LOXHD1: variants seen among roughly 807,000 people sequenced by gnomAD.
The protein encoded by LOXHD1 is lipoxygenase homology PLAT domains 1.
LOXHD1 carries 205 observed loss-of-function variants against 248.2 expected under a neutral mutation model. The observed-to-expected ratio is 0.83, with a 90% CI of 0.74 to 0.93. The LOEUF is 0.93. Ranked by LOEUF, LOXHD1 falls within the 40% of genes least tolerant of loss-of-function variation. The pLI is 0.00. For synonymous variants in LOXHD1, 1,113 were observed against 1,162.8 expected (o/e 0.96, Z 0.87); for missense variants, 2,930 against 2,971.6 (o/e 0.99, Z 0.33).
intron 34 of LOXHD1, among the ~76,000 whole-genome samples, chr18:46,512,318 C>G (rs748253095): frequency 9.2e-5 from 14 of 152,028 alleles, no homozygotes; most frequent in Non-Finnish European, 1.6e-4. Flanking sequence ...TGTGGCCCCA[C>G]CCAGAAACGA....
intron 37 of LOXHD1, among the ~76,000 whole-genome samples, chr18:46,501,172 G>A (rs1386636444): frequency 2.0e-5 from 3 of 152,176 alleles, no homozygotes; most frequent in Middle Eastern, 3.4e-3. Flanking sequence ...TTGGCTATTT[G>A]CTAAAATTTA....
Position 46,593,734 on chromosome 18 carries a change from T to C in LOXHD1, c.1297A>G (p.Thr433Ala). The change falls in exon 10 of 41, where the codon ACA (threonine) becomes GCA (alanine). Residue 433 changes from threonine to alanine, a missense_variant. Thr to Ala is a moderately conservative substitution (Grantham distance 58). Coordinates refer to ENST00000642948, the MANE Select transcript of LOXHD1 (RefSeq NM_001384474.1). ...GTACCAGCTTTCTTTAGGTCGGTTGTCCAGACCCACAGGGACCAAGGGAAT... is the reference window on the plus strand; with the variant it reads ...GTACCAGCTTTCTTTAGGTCGGTTGCCCAGACCCACAGGGACCAAGGGAAT... ...KKFPWSLWVW[T>A]TDLKKAGTNS... The C allele has an allele frequency of 6.4e-7, 1 of 1,552,034 alleles. No individual in the cohort carries two copies. Among genetic ancestry groups the C allele is most frequent in the Non-Finnish European group, 8.7e-7 (1 of 1,147,062 alleles).
intron 6 of LOXHD1, among the ~76,000 whole-genome samples, chr18:46,607,104 G>C (rs1015804384): frequency 1.3e-5 from 2 of 151,742 alleles, no homozygotes; most frequent in African/African-American, 4.8e-5. Context: ...GGGAGGCAGA[G>C]ATTGCAGTGA....
chr18:46,636,675 T>G (rs771785953), intron 4 of LOXHD1, among the ~76,000 whole-genome samples: 1 of 152,200 alleles, frequency 6.6e-6, no homozygotes, highest in Non-Finnish European at 1.5e-5. Flanking sequence ...CATGCCCCCC[T>G]TTACTCTCTC....
At chr18:46,492,364 C>G (rs527385157) in intron 37 of LOXHD1, among the ~76,000 whole-genome samples, 2 of 152,308 alleles carry the variant, frequency 1.3e-5, no homozygotes, top group South Asian at 4.1e-4. Flanking sequence ...TTCTGCATGG[C>G]TAGGGAGGCC....
intron 37 of LOXHD1, 150 bp downstream of exon 37, chr18:46,505,688 T>C: frequency 1.3e-6 from 1 of 768,626 alleles, no homozygotes; most frequent in Non-Finnish European, 2.1e-6. Flanking sequence ...TTCATACTGA[T>C]GGAAGCATCA....
intron 34 of LOXHD1, among the ~76,000 whole-genome samples, chr18:46,510,308 A>G (rs1485225058): frequency 6.6e-6 from 1 of 152,248 alleles, no homozygotes; most frequent in Non-Finnish European, 1.5e-5. Flanking sequence ...TCTAGATGGC[A>G]TCGTTCACAT....
At chr18:46,484,986 C>T (rs1371277132) in intron 39 of LOXHD1, 33 bp downstream of exon 39, 1 of 1,545,700 alleles carries the variant, frequency 6.5e-7, no homozygotes, top group East Asian at 2.5e-5. Flanking sequence ...CCTACCCACC[C>T]CCCACCACTT....
Position 46,541,936 on chromosome 18 carries a change from C to A in LOXHD1, c.3753G>T (p.Lys1251Asn). Residue 1251 changes from lysine (K) to asparagine (N), a missense_variant, in exon 25 of 41, where the codon AAG (lysine) becomes AAT (asparagine). Coordinates refer to ENST00000642948, the MANE Select transcript of LOXHD1 (RefSeq NM_001384474.1). The part of the protein sequence containing the change: ...KVRLGHDNTG[K>N]APGWFVDWVE... ...CCCAGTCTACAAACCAGCCTGGGGC[C>A]TTGCCTAGAGAGAGAGGAGACACAA... The A allele has an allele frequency of 7.1e-6, 11 of 1,550,886 alleles. No individual in the cohort carries two copies. Among genetic ancestry groups the A allele is most frequent in the Non-Finnish European group, 9.6e-6 (11 of 1,146,524 alleles).
chr18:46,513,866 G>A (rs1023904423), intron 34 of LOXHD1, among the ~76,000 whole-genome samples: 1 of 152,246 alleles, frequency 6.6e-6, no homozygotes, highest in African/African-American at 2.4e-5. Context: ...TAGACAAGGG[G>A]AGGCTGCCTT....
intron 16 of LOXHD1, among the ~76,000 whole-genome samples, chr18:46,569,191 C>T (rs966526055): frequency 6.6e-6 from 1 of 152,282 alleles, no homozygotes; most frequent in African/African-American, 2.4e-5. Context: ...ATACACATTC[C>T]AGCCCCAAAG....
intron 33 of LOXHD1, among the ~76,000 whole-genome samples, chr18:46,519,621 C>T (rs1432979247): frequency 1.3e-5 from 2 of 152,112 alleles, no homozygotes; most frequent in African/African-American, 4.8e-5. Flanking sequence ...AAAGTGCGAG[C>T]CTGACACTTT....
At chr18:46,557,650 G>T (rs2037397958) in intron 20 of LOXHD1, among the ~76,000 whole-genome samples, 161 bp from the exon 21 acceptor site, 1 of 152,202 alleles carries the variant, frequency 6.6e-6, no homozygotes, top group African/African-American at 2.4e-5. Flanking sequence ...TAGTAGTCTG[G>T]TGTTTGGTCT....
In LOXHD1 at chr18:46,545,308, C is replaced by T. The variant is rs576031049; in HGVS notation, c.3619+9G>A. 3.6e-4 allele frequency: 560 copies of T among 1,546,002 alleles called. 7 individuals are homozygous for T. In the South Asian group the frequency reaches 6.2e-3, roughly 17 times the overall value. ...GTGGGTGAATCTTGGCCCTGCACTG[C>T]TTTCTTACCAGTGTCATCCTGTGTG... On this transcript the variant is annotated intron_variant, in intron 23 of 40. Coordinates refer to ENST00000642948, the MANE Select transcript of LOXHD1 (RefSeq NM_001384474.1).
intron 4 of LOXHD1, among the ~76,000 whole-genome samples, chr18:46,630,198 G>C (rs2038802203): frequency 6.6e-6 from 1 of 152,198 alleles, no homozygotes; most frequent in Non-Finnish European, 1.5e-5. Flanking sequence ...GCTGGGTTCT[G>C]ACAGCCCTGG....
chr18:46,549,172 G>C (rs2036978639), intron 21 of LOXHD1, among the ~76,000 whole-genome samples: 1 of 152,148 alleles, frequency 6.6e-6, no homozygotes, highest in Non-Finnish European at 1.5e-5. Flanking sequence ...GGGTTTTTTA[G>C]TGAATAAAGG....
rs184122174 is a variant in LOXHD1 at position 46,573,507 on chromosome 18, T to C, written c.1971-1345A>G. Reference sequence around the variant, plus strand: ...TCTCAACCAAACCACCTCCCATTTGTCTATGTCTTGGTACTGGTTGTTGCA... The same window carrying C: ...TCTCAACCAAACCACCTCCCATTTGCCTATGTCTTGGTACTGGTTGTTGCA... On this transcript the variant is annotated intron_variant, in intron 14 of 40. Transcript: ENST00000642948. Among the ~76,000 whole-genome samples the C allele has an allele frequency of 1.2e-4, 18 of 152,304 alleles. No individual in the cohort carries two copies. In the East Asian group the frequency reaches 2.7e-3, roughly 23 times the overall value.
In LOXHD1 at chr18:46,522,325, G is replaced by C. The variant is rs1159472130; in HGVS notation, c.4877-16C>G. 1 of 1,549,654 alleles carries C rather than the reference G, an allele frequency of 6.5e-7. No individual in the cohort carries two copies. Among genetic ancestry groups the C allele is most frequent in the Non-Finnish European group, 8.7e-7 (1 of 1,145,362 alleles). On this transcript the variant is annotated splice_polypyrimidine_tract_variant and intron_variant, in intron 31 of 40. Coordinates refer to ENST00000642948, the MANE Select transcript of LOXHD1 (RefSeq NM_001384474.1). ...TAGGGAATAACTGCAAGAGATCACGGGGCTCAGGTTCATAACAGACCAGAT... is the reference window on the plus strand; with the variant it reads ...TAGGGAATAACTGCAAGAGATCACGCGGCTCAGGTTCATAACAGACCAGAT...
chr18:46,586,433 TTTTTTTGTTTG>T (rs1568202502), intron 12 of LOXHD1, among the ~76,000 whole-genome samples: 1 of 7,642 alleles, frequency 1.3e-4, no homozygotes, highest in Non-Finnish European at 7.8e-4. Context: ...TAGCTGTTGT[TTTTTTTGTTTG>T]TTTTGTTTGT....
Sources: allele counts gnomAD v4.1 joint callset (sites outside exome capture counted in the v4.1 genomes callset), GRCh38; gene constraint gnomAD v4.1.1; transcripts MANE v1.5; gene names NCBI Gene and HGNC (gene_info 2026-07-23, HGNC 2026-07-21).